PCDH15: variants seen among roughly 807,000 people sequenced by gnomAD.
The protein encoded by PCDH15 is protocadherin related 15, also known as protocadherin-15.
In PCDH15, 129 loss-of-function variants were observed where a neutral mutation model predicts 178.5. The ratio of observed to expected loss-of-function variants is 0.72; its 90% confidence interval spans 0.63 to 0.84. PCDH15 has a LOEUF of 0.84. PCDH15 is among the 40% of genes least tolerant of loss of function. The probability of loss-of-function intolerance (pLI) is 0.00; values close to 1 mark genes in which losing one functional copy is unlikely to be tolerated. For missense variants in PCDH15, 2,230 were observed against 2,099.9 expected (o/e 1.06, Z -1.21); for synonymous variants, 800 against 732.0 (o/e 1.09, Z -1.50).
In PCDH15 at chr10:54,466,375, C is replaced by T. The variant is rs1035569049; in HGVS notation, c.157+61437G>A. Among the ~76,000 whole-genome samples the T allele has an allele frequency of 2.6e-5, 4 of 151,772 alleles. No homozygotes were observed. In the South Asian group the frequency reaches 6.2e-4, roughly 24 times the overall value. On this transcript the variant is annotated intron_variant, in intron 3 of 37. Transcript: ENST00000644397. ...TTCTATGTAGTGAGAAATAAGGGTC[C>T]TTTTCATTCTTTCCATGTGGATATC...
At chr10:55,092,428 G>T (rs1161833614) in intron 2 of PCDH15, among the ~76,000 whole-genome samples, 1 of 151,730 alleles carries the variant, frequency 6.6e-6, no homozygotes, top group Admixed American at 6.6e-5. Flanking sequence ...ATTCTTTAAA[G>T]AATTCCCATA....
chr10:54,965,267 T>C (rs1234156837), intron 2 of PCDH15, among the ~76,000 whole-genome samples: 2 of 152,236 alleles, frequency 1.3e-5, no homozygotes, highest in African/African-American at 2.4e-5. Flanking sequence ...TCTTGAATTG[T>C]AGCTCCCATT....
At chr10:54,000,463 C>G (rs2092079801) in intron 20 of PCDH15, among the ~76,000 whole-genome samples, 1 of 151,978 alleles carries the variant, frequency 6.6e-6, no homozygotes, top group African/African-American at 2.4e-5. Flanking sequence ...AGAATTCTAT[C>G]AGATACATTT....
At chr10:53,852,548 T>C (rs974604345) in intron 28 of PCDH15, among the ~76,000 whole-genome samples, 1 of 152,082 alleles carries the variant, frequency 6.6e-6, no homozygotes, top group East Asian at 1.9e-4. Flanking sequence ...GGAGTAATCA[T>C]TACAGCAGCT....
At chr10:54,940,118 G>A (rs1838022554) in intron 2 of PCDH15, among the ~76,000 whole-genome samples, 1 of 151,830 alleles carries the variant, frequency 6.6e-6, no homozygotes, top group African/African-American at 2.4e-5. Context: ...AGTGTCTTTA[G>A]GTTTAAGTTA....
chr10:54,708,143 T>C (rs2095386018), intron 1 of PCDH15, among the ~76,000 whole-genome samples: 1 of 152,200 alleles, frequency 6.6e-6, no homozygotes, highest in Admixed American at 6.5e-5. Context: ...TGGAAAAGGC[T>C]GTAGAAGCAG....
intron 3 of PCDH15, among the ~76,000 whole-genome samples, chr10:54,518,258 T>C (rs922832941): frequency 3.4e-4 from 51 of 152,012 alleles, no homozygotes; most frequent in African/African-American, 8.5e-4. Flanking sequence ...CTTCAAAAAA[T>C]TGATGAATCC....
chr10:54,310,389 G>A (rs1217023431), intron 8 of PCDH15, among the ~76,000 whole-genome samples: 1 of 152,218 alleles, frequency 6.6e-6, no homozygotes, highest in Non-Finnish European at 1.5e-5. Flanking sequence ...TGTTCTGACA[G>A]TGTAAATAGA....
intron 1 of PCDH15, among the ~76,000 whole-genome samples, chr10:55,317,362 T>C (rs377697038): frequency 2.9e-4 from 44 of 152,322 alleles, no homozygotes; most frequent in African/African-American, 1.0e-3. Context: ...AGAACTCTAA[T>C]AGGGCCTTAT....
intron 1 of PCDH15, among the ~76,000 whole-genome samples, chr10:54,795,644 G>A (rs565571870): frequency 1.3e-5 from 2 of 151,902 alleles, no homozygotes; most frequent in South Asian, 4.2e-4. Context: ...AACGTGCAAG[G>A]CCACAAATGA....
chr10:54,635,554 C>T (rs1004967544), intron 2 of PCDH15, among the ~76,000 whole-genome samples: 2 of 151,896 alleles, frequency 1.3e-5, no homozygotes, highest in Admixed American at 1.3e-4. Flanking sequence ...ACATATAATA[C>T]ATTAAGCATT....
intron 37 of PCDH15, chr10:53,809,208 A>C: frequency 6.2e-7 from 1 of 1,613,896 alleles, no homozygotes; most frequent in Non-Finnish European, 8.5e-7. Context: ...CACTGAACTC[A>C]GACTCTTCTT....
chr10:55,301,350 A>C (rs1843273496), intron 1 of PCDH15, among the ~76,000 whole-genome samples: 1 of 152,078 alleles, frequency 6.6e-6, no homozygotes, highest in Admixed American at 6.6e-5. Context: ...CATTTCCTTA[A>C]TGGCTAATGA....
chr10:54,245,398 A>T (rs2055818842), intron 8 of PCDH15, among the ~76,000 whole-genome samples: 1 of 152,174 alleles, frequency 6.6e-6, no homozygotes, highest in Non-Finnish European at 1.5e-5. Context: ...TTTAATAAAG[A>T]ATGATTAAAT....
chr10:54,661,899 AT>A (rs1475260688), intron 2 of PCDH15, among the ~76,000 whole-genome samples: 1 of 152,014 alleles, frequency 6.6e-6, no homozygotes, highest in Non-Finnish European at 1.5e-5. Flanking sequence ...ATATGCAAAA[AT>A]TAACTCGATG....
intron 1 of PCDH15, among the ~76,000 whole-genome samples, chr10:54,726,618 C>T (rs1270565589): frequency 6.6e-6 from 1 of 151,332 alleles, no homozygotes; most frequent in Admixed American, 6.6e-5. Context: ...TCGAGATTCA[C>T]AACAAAGTAT....
At chr10:54,665,857 C>T (rs1329644697) in intron 1 of PCDH15, among the ~76,000 whole-genome samples, 2 of 151,856 alleles carry the variant, frequency 1.3e-5, no homozygotes, top group East Asian at 1.9e-4. Context: ...TTATTAGATG[C>T]CAAGAGATCA....
chr10:54,756,430 G>C (rs1947123168), intron 1 of PCDH15, among the ~76,000 whole-genome samples: 1 of 151,848 alleles, frequency 6.6e-6, no homozygotes, highest in Admixed American at 6.6e-5. Flanking sequence ...TACAGTGCAG[G>C]ACTCCATGTT....
intron 35 of PCDH15, among the ~76,000 whole-genome samples, chr10:53,813,019 A>T (rs1428275103): frequency 6.6e-6 from 1 of 152,180 alleles, no homozygotes; most frequent in Non-Finnish European, 1.5e-5. Context: ...TCATTTTAAA[A>T]AATTGAATTC....
Sources: allele counts gnomAD v4.1 joint callset (sites outside exome capture counted in the v4.1 genomes callset), GRCh38; gene constraint gnomAD v4.1.1; transcripts MANE v1.5; gene names NCBI Gene and HGNC (gene_info 2026-07-23, HGNC 2026-07-21).